Variants in PCDHGA3 observed in about 807,000 individuals in gnomAD.
The protein encoded by PCDHGA3 is protocadherin gamma subfamily A, 3.
A neutral mutation model predicts 58.5 loss-of-function variants in PCDHGA3; 40 were observed. The ratio of observed to expected loss-of-function variants is 0.68; its 90% CI spans 0.53 to 0.89. PCDHGA3 has a LOEUF of 0.89. Among genes scored for constraint, PCDHGA3 ranks in the 40% least tolerant of loss-of-function variants. The pLI is 0.00. For missense variants in PCDHGA3, 1,223 were observed against 1,195.9 expected (o/e 1.02, Z -0.33); for synonymous variants, 530 against 525.7 (o/e 1.01, Z -0.11).
chr5:141,395,363 T>C (rs2093221465), intron 1 of PCDHGA3: 2 of 1,278,044 alleles, frequency 1.6e-6, no homozygotes, highest in Admixed American at 5.9e-5. Context: ...GTTTTGGGTT[T>C]ATTTTGGTGG....
At chr5:141,355,221 C>T (rs756437082) in intron 1 of PCDHGA3, 18 of 1,608,638 alleles carry the variant, frequency 1.1e-5, no homozygotes, top group African/African-American at 4.0e-5. Context: ...CTCCTGCTCG[C>T]CCAGACCACA....
At chr5:141,371,198 C>T (rs1262437618) in intron 1 of PCDHGA3, 124 of 1,613,890 alleles carry the variant, frequency 7.7e-5, no homozygotes, top group Non-Finnish European at 1.0e-4. Context: ...TGGCCATTGA[C>T]ATGGATGAGG....
At chr5:141,384,834 C>G (rs369584315) in intron 1 of PCDHGA3, 2 of 1,613,478 alleles carry the variant, frequency 1.2e-6, no homozygotes, top group Non-Finnish European at 1.7e-6. Flanking sequence ...TCGTGGTGGC[C>G]GTCCAGGACC....
intron 1 of PCDHGA3, among the ~76,000 whole-genome samples, chr5:141,456,887 C>T (rs112521083): frequency 0.042 from 6,384 of 152,090 alleles, 167 homozygotes; most frequent in Middle Eastern, 0.088. Flanking sequence ...CGCTTGAACC[C>T]GGGAGGCAGA....
At chr5:141,371,550 C>T in intron 1 of PCDHGA3, 1 of 1,613,828 alleles carries the variant, frequency 6.2e-7, no homozygotes, top group South Asian at 1.1e-5. Context: ...CCTATGCCAA[C>T]TAAAAGGAAA....
intron 1 of PCDHGA3, among the ~76,000 whole-genome samples, chr5:141,435,783 G>A (rs1273339025): frequency 6.6e-6 from 1 of 152,124 alleles, no homozygotes; most frequent in Non-Finnish European, 1.5e-5. Context: ...TAAAGGTGCA[G>A]GGAAACATAA....
chr5:141,500,124 A>G (rs1042231430), intron 2 of PCDHGA3, among the ~76,000 whole-genome samples: 2 of 151,656 alleles, frequency 1.3e-5, no homozygotes, highest in African/African-American at 2.4e-5. Flanking sequence ...GCCTTTTCAT[A>G]TATATCTTTC....
intron 1 of PCDHGA3, chr5:141,419,373 TGTCC>T (rs761256298): frequency 6.2e-7 from 1 of 1,613,754 alleles, no homozygotes; most frequent in South Asian, 1.1e-5. Context: ...TCGTCCTACG[TGTCC>T]GTGAGCGCGC....
intron 1 of PCDHGA3, chr5:141,376,224 T>A: frequency 6.2e-7 from 1 of 1,614,156 alleles, no homozygotes; most frequent in Admixed American, 1.7e-5. Flanking sequence ...CTGCTGGCGC[T>A]CAGACTGCAG....
chr5:141,350,442 C>T, intron 1 of PCDHGA3: 1 of 1,610,734 alleles, frequency 6.2e-7, no homozygotes, highest in South Asian at 1.1e-5. Flanking sequence ...GAGTTGCCAA[C>T]TCGAAAACTG....
At chr5:141,376,928 C>G (rs928041482) in intron 1 of PCDHGA3, 1 of 168,908 alleles carries the variant, frequency 5.9e-6, no homozygotes, top group Non-Finnish European at 1.3e-5. Flanking sequence ...ACCTCATGAT[C>G]CACCCGCCTC....
chr5:141,394,616 C>A, intron 1 of PCDHGA3: 1 of 1,613,490 alleles, frequency 6.2e-7, no homozygotes, highest in African/African-American at 1.3e-5. Flanking sequence ...CGGGCCAGAA[C>A]GCCTGGCTGT....
intron 1 of PCDHGA3, chr5:141,393,282 G>A (rs2150516370): frequency 1.2e-6 from 2 of 1,613,980 alleles, no homozygotes; most frequent in Non-Finnish European, 1.7e-6. Context: ...ACTCCCAGAA[G>A]CTGTTGACCC....
At chr5:141,360,063 A>C in intron 1 of PCDHGA3, 1 of 1,455,012 alleles carries the variant, frequency 6.9e-7, no homozygotes, top group Non-Finnish European at 9.1e-7. Context: ...AGGAAAAGTG[A>C]CCTTAGCCCG....
At chr5:141,408,851 G>C in intron 1 of PCDHGA3, 1 of 1,613,574 alleles carries the variant, frequency 6.2e-7, no homozygotes, top group Non-Finnish European at 8.5e-7. Flanking sequence ...TGCCTTGGAC[G>C]GAGGGGACCC....
chr5:141,469,974 T>C (rs1456176152), intron 1 of PCDHGA3, among the ~76,000 whole-genome samples: 1 of 151,864 alleles, frequency 6.6e-6, no homozygotes, highest in African/African-American at 2.4e-5. Context: ...GTACCAAAAA[T>C]ACAAAAATTA....
chr5:141,449,300 T>C (rs2098635283), intron 1 of PCDHGA3, among the ~76,000 whole-genome samples: 1 of 152,090 alleles, frequency 6.6e-6, no homozygotes, highest in Non-Finnish European at 1.5e-5. Flanking sequence ...GGGTGAATTA[T>C]ATGTATTATA....
At chr5:141,440,605 C>G (rs1214459401) in intron 1 of PCDHGA3, 1 of 152,228 alleles carries the variant, frequency 6.6e-6, no homozygotes, top group East Asian at 1.9e-4. Context: ...TGCAACAGAA[C>G]CTGCAGAAGA....
chr5:141,504,583 A>G (rs1230825472), intron 2 of PCDHGA3, among the ~76,000 whole-genome samples: 1 of 146,622 alleles, frequency 6.8e-6, no homozygotes, highest in African/African-American at 2.5e-5. Flanking sequence ...CCATCTGCCC[A>G]GGATTCACAG....
Sources: allele counts gnomAD v4.1 joint callset (sites outside exome capture counted in the v4.1 genomes callset), GRCh38; gene constraint gnomAD v4.1.1; transcripts MANE v1.5; gene names NCBI Gene and HGNC (gene_info 2026-07-23, HGNC 2026-07-21).